The following XBP1 variants were observed in gnomAD, a reference collection of about 807,000 sequenced individuals.
XBP1 encodes X-box-binding protein 1.
Under a neutral mutation model 34.6 loss-of-function variants are expected in XBP1, and 18 were observed. The ratio of observed to expected loss-of-function variants is 0.52; its 90% confidence interval spans 0.36 to 0.77. XBP1 has a LOEUF of 0.77. XBP1 is among the 30% of genes least tolerant of loss of function. The pLI, the probability that XBP1 is intolerant of heterozygous loss-of-function variation, is 0.00. For missense variants in XBP1, 422 were observed against 464.6 expected (o/e 0.91, Z 0.84); for synonymous variants, 191 against 193.4 (o/e 0.99, Z 0.11).
intron 2 of XBP1, 182 bp downstream of exon 2, chr22:28,798,861 TCTGCCCAACTCAGG>T (rs1342912369): frequency 7.4e-6 from 3 of 407,480 alleles, no homozygotes; most frequent in African/African-American, 2.0e-5. Context: ...CTTCAAGTGA[TCTGCCCAACTCAGG>T]CTCCCAAAGT....
intron 2 of XBP1, among the ~76,000 whole-genome samples, chr22:28,797,419 C>T (rs1453023207): frequency 1.3e-5 from 2 of 152,142 alleles, no homozygotes; most frequent in East Asian, 1.9e-4. Context: ...TAACACACTG[C>T]TTCCAACTAC....
chr22:28,797,551 C>A (rs1363803048), intron 2 of XBP1, among the ~76,000 whole-genome samples: 2 of 151,898 alleles, frequency 1.3e-5, no homozygotes, highest in Non-Finnish European at 2.9e-5. Context: ...GAGGCCAAGG[C>A]AGGTGGATCA....
chr22:28,798,116 G>A (rs547209532), intron 2 of XBP1, among the ~76,000 whole-genome samples: 1 of 152,268 alleles, frequency 6.6e-6, no homozygotes, highest in South Asian at 2.1e-4. Flanking sequence ...GGCCATGCCA[G>A]GAAGAATGTA....
chr22:28,795,081 T>C, downstream of XBP1: 1 of 1,234,872 alleles, frequency 8.1e-7, no homozygotes, highest in Non-Finnish European at 1.1e-6. Context: ...ATACTCTCTA[T>C]TTTGGCTTTT....
chr22:28,795,370 C>T lies in XBP1; in HGVS notation c.936G>A (p.Pro312=), dbSNP rs543675522. The change falls in exon 6 of 6, where the codon CCG becomes CCA. Residue 312 remains proline (P), a synonymous_variant. Coordinates refer to ENST00000344347, the Ensembl canonical transcript of XBP1. ...AAAGCAGATTTGAGATACCCAGCTC[C>T]GGAACGAGGTCATCTTCTACAGGTT... 3.1e-4 allele frequency: 489 copies of T among 1,552,384 alleles called. 1 individual carries two copies. Among genetic ancestry groups the T allele is most frequent in the Non-Finnish European group, 3.9e-4 (442 of 1,147,144 alleles).
intron 2 of XBP1, 66 bp downstream of exon 2, chr22:28,798,991 A>G (rs2031807689): frequency 2.3e-6 from 3 of 1,328,854 alleles, no homozygotes; most frequent in East Asian, 4.7e-5. Flanking sequence ...TGGGAAGCAA[A>G]TATCAGAACA....
chr22:28,798,326 G>GTTTTT (rs1423114736), intron 2 of XBP1, among the ~76,000 whole-genome samples: 1 of 63,560 alleles, frequency 1.6e-5, no homozygotes, highest in Admixed American at 1.2e-4. Context: ...TTGAGACAGG[G>GTTTTT]TTTTTGCTCT....
chr22:28,796,162 C>A, exon 4 of XBP1: 1 of 1,592,112 alleles, frequency 6.3e-7, no homozygotes, highest in Non-Finnish European at 8.5e-7. Context: ...GCGGACTCAG[C>A]AGACCCGGCC....
chr22:28,797,797 GATA>G (rs148051775), intron 2 of XBP1, among the ~76,000 whole-genome samples: 288 of 150,014 alleles, frequency 1.9e-3, no homozygotes, highest in African/African-American at 6.4e-3. Context: ...TAATGATGAT[GATA>G]ATAATAATAA....
At chr22:28,795,354 T>C (rs780901802) in exon 6 of XBP1, 18 of 1,551,848 alleles carry the variant, frequency 1.2e-5, no homozygotes, top group Non-Finnish European at 1.5e-5. Flanking sequence ...GAAAGCAGAT[T>C]TGAGATACCC....
chr22:28,795,292 G>T (rs757507007), exon 6 of XBP1: 1 of 1,551,842 alleles, frequency 6.4e-7, no homozygotes, highest in Non-Finnish European at 8.7e-7. Context: ...CGTATCCACA[G>T]TCACTGTAAG....
Position 28,797,150 on chromosome 22 carries a change from A to AC in XBP1, c.379dup (p.Val127GlyfsTer3). The AC allele has an allele frequency of 6.2e-7, 1 of 1,613,700 alleles. No homozygotes were observed. Among genetic ancestry groups the AC allele is most frequent in the Non-Finnish European group, 8.5e-7 (1 of 1,179,944 alleles). On this transcript the variant is annotated frameshift_variant, in exon 3 of 6. Transcript: ENST00000344347. LOFTEE classifies it high-confidence loss of function. ...CTGTCTTAACTCCTGGTTCTCAACT[A>AC]CAAGGCCATGAGTTTTCTCTCGTAA...
chr22:28,797,407 A>G (rs1001915918), intron 2 of XBP1, among the ~76,000 whole-genome samples: 1 of 152,220 alleles, frequency 6.6e-6, no homozygotes, highest in Admixed American at 6.5e-5. Context: ...TGGGGTCAAG[A>G]ATAACACACT....
chr22:28,795,914 GGTA>G, intron 5 of XBP1, 130 bp downstream of exon 5: 5 of 1,291,982 alleles, frequency 3.9e-6, no homozygotes, highest in Non-Finnish European at 5.5e-6. Context: ...GAACTAGGAA[GGTA>G]GTTGATGTTC....
downstream of XBP1, chr22:28,794,951 A>G (rs1171384712): frequency 1.0e-5 from 4 of 400,570 alleles, no homozygotes; most frequent in Non-Finnish European, 1.3e-5. Flanking sequence ...GTTCTCAATT[A>G]TAGTAATATT....
At position 28,796,204 on chromosome 22, in the gene XBP1, G is replaced by T. The variant is rs778038847; in HGVS notation, c.454-12C>A. The T allele has an allele frequency of 3.3e-6, 5 of 1,526,402 alleles. No homozygotes were observed. The Admixed American group carries it at 6.8e-5, about 21-fold the overall frequency. The allele number at this position is 1,526,402 out of a possible 1,614,324, so 94.6% of individuals were successfully genotyped here. On this transcript the variant is annotated splice_polypyrimidine_tract_variant and intron_variant, in intron 3 of 5. Coordinates refer to ENST00000344347, the Ensembl canonical transcript of XBP1. ...CTCACTTCATTCCCCTGGGAGGAAA[G>T]ACCAAAGTGAATAAACAGCTTCAAG...
At chr22:28,800,561 CCGCCCAG>C (rs1235640147), upstream of XBP1, 7 of 1,464,560 alleles carry the variant, frequency 4.8e-6, no homozygotes, top group Non-Finnish European at 5.4e-6. Flanking sequence ...CGCGCCGCAG[CCGCCCAG>C]CGCCCAGCCT....
At chr22:28,795,281 C>T in exon 6 of XBP1, 1 of 1,551,886 alleles carries the variant, frequency 6.4e-7, no homozygotes, top group Non-Finnish European at 8.7e-7. Context: ...AAGGGAACCC[C>T]CGTATCCACA....
chr22:28,796,347 TGAGAA>T, intron 3 of XBP1, 155 bp from the exon 4 acceptor site: 1 of 644,054 alleles, frequency 1.6e-6, no homozygotes, highest in Non-Finnish European at 2.4e-6. Flanking sequence ...TTATTATTAT[TGAGAA>T]GAGCAAGATA....
Sources: gnomAD v4.1 joint callset for allele counts (sites outside exome capture counted in the v4.1 genomes callset) on GRCh38, gnomAD v4.1.1 for gene constraint, MANE v1.5 for transcripts, NCBI Gene and HGNC (gene_info 2026-07-23, HGNC 2026-07-21) for gene names.